Variants in GALNS observed in about 807,000 individuals in gnomAD.
The protein encoded by GALNS is N-acetylgalactosamine-6-sulfatase.
A neutral mutation model predicts 65.9 loss-of-function variants in GALNS; 65 were observed. The observed-to-expected ratio is 0.99, with a 90% confidence interval of 0.81 to 1.21. GALNS has a LOEUF of 1.21. GALNS is among the 50% of genes most tolerant of loss of function. The probability of loss-of-function intolerance (pLI) is 0.00; values close to 1 mark genes in which losing one functional copy is unlikely to be tolerated. For synonymous variants in GALNS, 346 were observed against 288.9 expected (o/e 1.20, Z -2.00); for missense variants, 776 against 700.7 (o/e 1.11, Z -1.21).
chr16:88,853,251 CAAAAA>C (rs34618279), intron 1 of GALNS, among the ~76,000 whole-genome samples: 2,707 of 64,508 alleles, frequency 0.042, 16 homozygotes, highest in Middle Eastern at 0.067. Flanking sequence ...GACTCCATCT[CAAAAA>C]AAAAAAAAAA....
At chr16:88,833,422 C>G (rs577215335) in intron 8 of GALNS, among the ~76,000 whole-genome samples, 34 of 134,534 alleles carry the variant, frequency 2.5e-4, no homozygotes, top group Admixed American at 1.9e-3. Flanking sequence ...CTCCTTCCCT[C>G]CCTCCCTTTC....
chr16:88,820,590 G>T (rs1296585139), intron 12 of GALNS, among the ~76,000 whole-genome samples: 1 of 152,220 alleles, frequency 6.6e-6, no homozygotes, highest in Non-Finnish European at 1.5e-5. Context: ...CCCCCTCTGG[G>T]AAGCTCTGCC....
In GALNS at chr16:88,824,697, G is replaced by A. The variant is rs1157202106; in HGVS notation, c.1242+70C>T. On this transcript the variant is annotated intron_variant, in intron 11 of 13. Transcript: ENST00000268695. ...CACCCTCCTGTGCCTCCCCCAGGAC[G>A]GTGCTCAGGGGCCACGTCTGGATAG... is the stretch of plus-strand genomic sequence containing the variant. 27 of 1,299,752 alleles carry A rather than the reference G, an allele frequency of 2.1e-5. 1 individual carries two copies. The South Asian group carries it at 3.1e-4, about 15-fold the overall frequency. 80.5% of individuals were successfully genotyped at this position (1,299,752 alleles called of 1,614,324 possible).
At chr16:88,849,289 TATC>T (rs1011159473) in intron 1 of GALNS, among the ~76,000 whole-genome samples, 1 of 151,670 alleles carries the variant, frequency 6.6e-6, no homozygotes, top group African/African-American at 2.4e-5. Context: ...TAATTATTAT[TATC>T]ATTATTTTTT....
chr16:88,821,707 T>C (rs1910234887), intron 12 of GALNS, among the ~76,000 whole-genome samples: 1 of 152,130 alleles, frequency 6.6e-6, no homozygotes, highest in Admixed American at 6.5e-5. Context: ...TGCTCTCTGC[T>C]GCCTCCCACC....
rs1912274048 is a variant in GALNS, at chr16:88,837,613, C to T, written c.566+9G>A. On this transcript the variant is annotated intron_variant, in intron 5 of 13. Coordinates refer to ENST00000268695, the MANE Select transcript of GALNS (RefSeq NM_000512.5). ...GGACGTGGGAGGGGAAGGGGTGGGGCTCCATTACCTGCCAACCATCTCCCA... is the reference window on the plus strand; with the variant it reads ...GGACGTGGGAGGGGAAGGGGTGGGGTTCCATTACCTGCCAACCATCTCCCA... 1 of 1,612,150 alleles carries T rather than the reference C, an allele frequency of 6.2e-7. No individual in the cohort carries two copies. Among genetic ancestry groups the T allele is most frequent in the South Asian group, 1.1e-5 (1 of 91,022 alleles).
chr16:88,815,134 C>T (rs929952831), intron 13 of GALNS: 51 of 985,356 alleles, frequency 5.2e-5, no homozygotes, highest in South Asian at 1.4e-4. Flanking sequence ...GCTACACAGA[C>T]GCTCCCCAGG....
chr16:88,849,045 T>A (rs983301597), intron 1 of GALNS, among the ~76,000 whole-genome samples: 1 of 152,202 alleles, frequency 6.6e-6, no homozygotes, highest in Non-Finnish European at 1.5e-5. Context: ...CTGGGCTTTT[T>A]CCTCTCAAAG....
At chr16:88,826,187 G>T (rs1258358296) in intron 10 of GALNS, among the ~76,000 whole-genome samples, 2 of 150,966 alleles carry the variant, frequency 1.3e-5, no homozygotes, top group Non-Finnish European at 3.0e-5. Context: ...CAGGGAACAG[G>T]GGTGGGGCGG....
chr16:88,839,481 G>A (rs900835810), intron 4 of GALNS, among the ~76,000 whole-genome samples: 5 of 152,224 alleles, frequency 3.3e-5, no homozygotes, highest in South Asian at 2.1e-4. Flanking sequence ...GAGTGTCCGC[G>A]GCCCTCTGGG....
intron 3 of GALNS, 123 bp downstream of exon 3, chr16:88,841,774 C>T (rs1567536983): frequency 1.2e-6 from 1 of 853,902 alleles, no homozygotes; most frequent in Non-Finnish European, 1.9e-6. Flanking sequence ...CCCAGAGACC[C>T]AGGCACCAGC....
In GALNS at chr16:88,856,907, C is replaced by CAGCGAGCCGACCT. The variant is rs1187835208; in HGVS notation, c.-43_-31dup. The CAGCGAGCCGACCT allele has an allele frequency of 3.6e-5, 54 of 1,498,450 alleles. 1 individual carries two copies. In the East Asian group the frequency reaches 8.0e-4, roughly 22 times the overall value. 92.8% of individuals were successfully genotyped at this position (1,498,450 alleles called of 1,614,324 possible). ...ACCACGGGAGCCGCGGAGCCCCGGCCAGCGAGCCGACCTAGCGAGCGTCCG... is the reference window on the plus strand; with the variant it reads ...ACCACGGGAGCCGCGGAGCCCCGGCCAGCGAGCCGACCTAGCGAGCCGACCTAGCGAGCGTCCG... On this transcript the variant is annotated 5_prime_UTR_variant, in exon 1 of 14. Transcript: ENST00000268695.
chr16:88,841,450 G>GC (rs1966968370), intron 3 of GALNS, among the ~76,000 whole-genome samples: 1 of 152,044 alleles, frequency 6.6e-6, no homozygotes, highest in Non-Finnish European at 1.5e-5. Context: ...ATGCTGCACT[G>GC]CCCCACCCCT....
At chr16:88,826,984 G>T in intron 9 of GALNS, 146 bp from the exon 10 acceptor site, 1 of 1,008,858 alleles carries the variant, frequency 9.9e-7, no homozygotes, top group Non-Finnish European at 1.5e-6. Context: ...CAGGGACTGA[G>T]CGGGGTCACA....
intron 12 of GALNS, among the ~76,000 whole-genome samples, chr16:88,821,086 C>T (rs12930424): frequency 1.3e-5 from 2 of 151,724 alleles, no homozygotes; most frequent in African/African-American, 4.8e-5. Context: ...CCCCCGGGGG[C>T]GTCTGTCTCT....
chr16:88,846,369 G>A (rs892773326), intron 1 of GALNS, among the ~76,000 whole-genome samples: 4 of 152,284 alleles, frequency 2.6e-5, no homozygotes, highest in Non-Finnish European at 5.9e-5. Flanking sequence ...GAGACACACA[G>A]CCATGGGCTC....
At chr16:88,843,446 C>G (rs114340213) in intron 1 of GALNS, 1 of 348,320 alleles carries the variant, frequency 2.9e-6, no homozygotes, top group Non-Finnish European at 5.7e-6. Context: ...CATCGGCAGA[C>G]GACAAAGTGC....
intron 13 of GALNS, chr16:88,815,593 TGCA>T (rs1909539406): frequency 1.0e-6 from 1 of 985,388 alleles, no homozygotes; most frequent in Non-Finnish European, 1.2e-6. Flanking sequence ...CTGAAATGAG[TGCA>T]GTTTGGTTCT....
chr16:88,826,659 T>C lies in GALNS; in HGVS notation c.1139+43A>G, dbSNP rs1453157514. 5 of 1,600,274 alleles carry C rather than the reference T, an allele frequency of 3.1e-6. No individual in the cohort carries two copies. The South Asian group carries it at 5.5e-5, about 18-fold the overall frequency. On this transcript the variant is annotated intron_variant, in intron 10 of 13. Transcript: ENST00000268695. ...CCTGATTAGCAGCTCTGGGCTTCACTACTTGGATCGGGGGAAGGGGCCGGG... is the reference window on the plus strand; with the variant it reads ...CCTGATTAGCAGCTCTGGGCTTCACCACTTGGATCGGGGGAAGGGGCCGGG...
Sources: allele counts gnomAD v4.1 joint callset (sites outside exome capture counted in the v4.1 genomes callset), GRCh38; gene constraint gnomAD v4.1.1; transcripts MANE v1.5; gene names NCBI Gene and HGNC (gene_info 2026-07-23, HGNC 2026-07-21).